APC: variants seen among roughly 807,000 people sequenced by gnomAD.
The protein encoded by APC is adenomatous polyposis coli protein.
In APC, 72 loss-of-function variants were observed where a neutral mutation model predicts 247.0. The ratio of observed to expected loss-of-function variants is 0.29; its 90% CI spans 0.24 to 0.35. The LOEUF (loss-of-function observed/expected upper bound fraction) is 0.35, where lower values mean the gene tolerates loss of function less well. Among genes scored for constraint, APC ranks in the 10% least tolerant of loss-of-function variants. The pLI, the probability that APC is intolerant of heterozygous loss-of-function variation, is 1.00. For missense variants in APC, 3,400 were observed against 3,360.7 expected (o/e 1.01, Z -0.29); for synonymous variants, 1,254 against 1,162.5 (o/e 1.08, Z -1.60).
chr5:112,779,141 C>T (rs1329058181), intron 5 of APC, among the ~76,000 whole-genome samples: 1 of 152,152 alleles, frequency 6.6e-6, no homozygotes, highest in Non-Finnish European at 1.5e-5. Context: ...CTTAACAGTG[C>T]TCCTGGGAAT....
chr5:112,747,999 G>A (rs1003115573), intron 1 of APC, among the ~76,000 whole-genome samples: 2 of 152,186 alleles, frequency 1.3e-5, no homozygotes, highest in Admixed American at 6.5e-5. Flanking sequence ...GTTTGGGGCT[G>A]CTTTTGTGCT....
At chr5:112,743,611 A>G (rs1025269030) in intron 1 of APC, among the ~76,000 whole-genome samples, 8 of 152,236 alleles carry the variant, frequency 5.3e-5, no homozygotes, top group African/African-American at 1.9e-4. Flanking sequence ...CTTAATTTAT[A>G]TCAGTGTATC....
Position 112,742,229 on chromosome 5 carries a change from C to G in APC, c.-19+4304C>G, listed in dbSNP as rs560056583. On this transcript the variant is annotated intron_variant, in intron 1 of 15. Coordinates refer to ENST00000257430, the MANE Select transcript of APC (RefSeq NM_000038.6). ...CTTTATGTCCATCTAGTTTGTGATGCTAACTCTGCTCTATAGTATTCTATA... is the reference window on the plus strand; with the variant it reads ...CTTTATGTCCATCTAGTTTGTGATGGTAACTCTGCTCTATAGTATTCTATA... 7.9e-5 allele frequency among the ~76,000 whole-genome samples: 12 copies of G among 152,304 alleles called. 1 individual carries two copies. In the South Asian group the frequency reaches 1.0e-3, roughly 13 times the overall value.
Position 112,840,625 on chromosome 5 carries a change from A to T in APC, c.5031A>T (p.Gly1677=). The T allele has an allele frequency of 6.2e-7, 1 of 1,614,060 alleles. No individual in the cohort carries two copies. The highest frequency in any genetic ancestry group is 1.1e-5 in the South Asian group (1 of 91,080). Residue 1677 remains glycine, a synonymous_variant, in exon 16 of 16, where the codon GGA becomes GGT. Coordinates refer to ENST00000257430, the MANE Select transcript of APC (RefSeq NM_000038.6). This position sits in a 1 kb window ranked among gnomAD's most constrained non-coding sequence, Gnocchi z 4.1. ...NELAAGEGVR[G]GAQSGEFEKR... ...TAGCTGCTGGAGAAGGAGTTAGAGG[A>T]GGGGCACAGTCAGGTGAATTTGAAA...
At chr5:112,751,040 A>G (rs1754301922) in intron 1 of APC, among the ~76,000 whole-genome samples, 1 of 152,052 alleles carries the variant, frequency 6.6e-6, no homozygotes, top group Non-Finnish European at 1.5e-5. Context: ...GATTTTAAAC[A>G]TTGTGTTCTC....
chr5:112,754,592 T>A (rs989058054), intron 1 of APC, among the ~76,000 whole-genome samples: 7 of 152,170 alleles, frequency 4.6e-5, no homozygotes, highest in African/African-American at 1.7e-4. Flanking sequence ...AATTATTACT[T>A]GATAGAAAGT....
intron 11 of APC, among the ~76,000 whole-genome samples, chr5:112,825,027 A>G (rs116412954): frequency 0.011 from 1,673 of 152,272 alleles, 24 homozygotes; most frequent in Non-Finnish European, 0.013. Context: ...AGACACTTCT[A>G]ACTCAACTGT....
chr5:112,824,536 TC>T (rs1367209760), intron 11 of APC, among the ~76,000 whole-genome samples: 14 of 152,216 alleles, frequency 9.2e-5, no homozygotes. Context: ...CAGTATCAAA[TC>T]CTAAGATTTT....
At position 112,842,575 on chromosome 5, in the gene APC, C is replaced by T. The variant is rs950286984; in HGVS notation, c.6981C>T (p.Asn2327=). ...GACCTATACAGTCTCCTGGCCGAAA[C>T]TCAATTTCCCCTGGTAGAAATGGAA... ...LSRPIQSPGR[N]SISPGRNGIS... The change falls in exon 16 of 16, where the codon AAC becomes AAT. Residue 2327 remains asparagine, a synonymous_variant. Coordinates refer to ENST00000257430, the MANE Select transcript of APC (RefSeq NM_000038.6). 1.2e-6 allele frequency: 2 copies of T among 1,613,622 alleles called. No homozygotes were observed. The highest frequency in any genetic ancestry group is 2.7e-5 in the African/African-American group (2 of 74,908).
intron 6 of APC, 24 bp downstream of exon 6, chr5:112,780,927 T>C (rs1758265931): frequency 1.4e-6 from 2 of 1,456,218 alleles, no homozygotes; most frequent in African/African-American, 1.4e-5. Context: ...TTCTAAGTGA[T>C]AAAACAGCGA....
At chr5:112,748,610 C>T (rs948229111) in intron 1 of APC, among the ~76,000 whole-genome samples, 1 of 151,940 alleles carries the variant, frequency 6.6e-6, no homozygotes, top group Non-Finnish European at 1.5e-5. Flanking sequence ...GCCTGTAATC[C>T]CAGCAGTTTG....
intron 6 of APC, among the ~76,000 whole-genome samples, chr5:112,784,898 C>T (rs1306975601): frequency 6.6e-6 from 1 of 152,048 alleles, no homozygotes; most frequent in Non-Finnish European, 1.5e-5. Context: ...GAGGCTGACG[C>T]AAGAGGATCA....
At chr5:112,821,835 A>C in intron 10 of APC, 61 bp from the exon 11 acceptor site, 2 of 1,352,804 alleles carry the variant, frequency 1.5e-6, no homozygotes, top group South Asian at 2.4e-5. Flanking sequence ...TTAAAGTACA[A>C]TAAACATCAT....
intron 4 of APC, among the ~76,000 whole-genome samples, chr5:112,771,721 GGAAATTTATTT>G (rs1757068328): frequency 4.6e-5 from 7 of 151,874 alleles, no homozygotes; most frequent in Admixed American, 4.6e-4. Context: ...CTTTTGATCT[GGAAATTTATTT>G]ATTCAGCTTT....
intron 1 of APC, among the ~76,000 whole-genome samples, chr5:112,716,816 C>T (rs1751197892): frequency 6.6e-6 from 1 of 152,152 alleles, no homozygotes; most frequent in South Asian, 2.1e-4. Context: ...ACATTAAAGT[C>T]TAGTTTGAGA....
intron 11 of APC, among the ~76,000 whole-genome samples, chr5:112,825,157 C>G (rs1333093543): frequency 1.3e-5 from 2 of 152,328 alleles, no homozygotes; most frequent in South Asian, 2.1e-4. Flanking sequence ...ATTCACGATG[C>G]CATCCTTATC....
At chr5:112,824,895 C>G (rs1040724331) in intron 11 of APC, among the ~76,000 whole-genome samples, 56 of 152,082 alleles carry the variant, frequency 3.7e-4, no homozygotes, top group African/African-American at 1.3e-3. Context: ...TCCTTTCTCT[C>G]TATGCTTCTG....
At chr5:112,825,860 T>C (rs1285170974) in intron 11 of APC, among the ~76,000 whole-genome samples, 1 of 152,244 alleles carries the variant, frequency 6.6e-6, no homozygotes, top group East Asian at 1.9e-4. Flanking sequence ...TGCTCCAATC[T>C]GTACGCTCTT....
intron 15 of APC, among the ~76,000 whole-genome samples, chr5:112,835,927 A>G (rs1764840890): frequency 6.6e-6 from 1 of 151,660 alleles, no homozygotes; most frequent in Admixed American, 6.6e-5. Context: ...CTAGAGTTGT[A>G]AAACCCAAGA....
Sources: allele counts gnomAD v4.1 joint callset (sites outside exome capture counted in the v4.1 genomes callset), GRCh38; gene constraint gnomAD v4.1.1; non-coding constraint Gnocchi (gnomAD v3.1); transcripts MANE v1.5; gene names NCBI Gene and HGNC (gene_info 2026-07-23, HGNC 2026-07-21).